FNIP1: variants seen among roughly 807,000 people sequenced by gnomAD.
FNIP1 encodes the protein folliculin interacting protein 1, also known as folliculin-interacting protein 1.
In FNIP1, 40 loss-of-function variants were observed where a neutral mutation model predicts 124.5. The observed-to-expected ratio is 0.32, with a 90% CI of 0.25 to 0.42. The LOEUF (loss-of-function observed/expected upper bound fraction) is 0.42, where lower values mean the gene tolerates loss of function less well. Ranked by LOEUF, FNIP1 falls within the 10% of genes least tolerant of loss-of-function variation. The probability of loss-of-function intolerance (pLI) is 1.00; values close to 1 mark genes in which losing one functional copy is unlikely to be tolerated. For synonymous variants in FNIP1, 472 were observed against 470.6 expected, an observed-to-expected ratio of 1.00 and a Z score of -0.04; for missense variants, 1,176 against 1,403.7, an observed-to-expected ratio of 0.84 and a Z score of 2.59.
At chr5:131,697,110 A>G (rs1049393508) in intron 11 of FNIP1, among the ~76,000 whole-genome samples, 1 of 152,086 alleles carries the variant, frequency 6.6e-6, no homozygotes, top group African/African-American at 2.4e-5. Flanking sequence ...ACAGCCTTTC[A>G]CTCCAAGATG....
intron 5 of FNIP1, among the ~76,000 whole-genome samples, chr5:131,716,896 T>C (rs1364721597): frequency 6.6e-6 from 1 of 152,142 alleles, no homozygotes; most frequent in East Asian, 1.9e-4. Context: ...CATTCATTTA[T>C]ATACTGTGTA....
intron 15 of FNIP1, among the ~76,000 whole-genome samples, chr5:131,653,612 T>C (rs1191679678): frequency 6.6e-6 from 1 of 152,012 alleles, no homozygotes; most frequent in Non-Finnish European, 1.5e-5. Flanking sequence ...TGAAAGTGTA[T>C]AGAAAAAAGA....
At chr5:131,699,116 A>G (rs1580765626) in intron 10 of FNIP1, 114 bp from the exon 11 acceptor site, 1 of 644,196 alleles carries the variant, frequency 1.6e-6, no homozygotes, top group South Asian at 2.7e-5. Flanking sequence ...CAAAATTCTT[A>G]TCGAGAAAGA....
At chr5:131,788,548 A>G (rs1447950084) in intron 1 of FNIP1, among the ~76,000 whole-genome samples, 1 of 151,976 alleles carries the variant, frequency 6.6e-6, no homozygotes, top group East Asian at 1.9e-4. Flanking sequence ...ACACAAATAC[A>G]AAAATTTTTG....
intron 15 of FNIP1, among the ~76,000 whole-genome samples, chr5:131,654,001 A>T (rs960758132): frequency 1.3e-5 from 2 of 152,246 alleles, no homozygotes; most frequent in Non-Finnish European, 2.9e-5. Context: ...TGGCCTCCCA[A>T]AGTGCTGGGA....
At chr5:131,766,131 A>G (rs983630952) in intron 1 of FNIP1, among the ~76,000 whole-genome samples, 1 of 150,198 alleles carries the variant, frequency 6.7e-6, no homozygotes, top group Non-Finnish European at 1.5e-5. Context: ...CTTTTGAGAC[A>G]CGGTCTCACT....
chr5:131,718,938 T>C (rs1410765381), intron 5 of FNIP1, 48 bp downstream of exon 5: 3 of 1,498,450 alleles, frequency 2.0e-6, no homozygotes, highest in East Asian at 2.3e-5. Context: ...TTTTCATACT[T>C]TGCACATCTA....
chr5:131,646,810 A>G (rs1766896633), intron 17 of FNIP1, among the ~76,000 whole-genome samples: 1 of 152,238 alleles, frequency 6.6e-6, no homozygotes, highest in African/African-American at 2.4e-5. Context: ...TATTTAATAA[A>G]TGAGTATGTA....
intron 13 of FNIP1, among the ~76,000 whole-genome samples, chr5:131,675,990 C>G (rs1767899411): frequency 6.6e-6 from 1 of 151,518 alleles, no homozygotes; most frequent in Non-Finnish European, 1.5e-5. Context: ...TCCTAAGTGG[C>G]TGGGATTATA....
At chr5:131,734,025 C>T (rs536096018) in intron 2 of FNIP1, among the ~76,000 whole-genome samples, 1 of 152,240 alleles carries the variant, frequency 6.6e-6, no homozygotes, top group East Asian at 1.9e-4. Context: ...CTGGTCTATT[C>T]AGAGACTCAA....
chr5:131,785,795 A>G (rs1473472137), intron 1 of FNIP1, among the ~76,000 whole-genome samples: 3 of 152,180 alleles, frequency 2.0e-5, no homozygotes, highest in Non-Finnish European at 4.4e-5. Flanking sequence ...GCTTGAGCCC[A>G]GGAGTTTAAG....
In FNIP1 at chr5:131,704,115, A is replaced by G; in HGVS notation, c.1066T>C (p.Phe356Leu). 6.2e-7 allele frequency: 1 copy of G among 1,612,874 alleles called. No homozygotes were observed. Among genetic ancestry groups the G allele is most frequent in the Non-Finnish European group, 8.5e-7 (1 of 1,179,116 alleles). ...TTCATGTGGCTTTCAAAGAGAGGAA[A>G]ATGTGAAAAAAAGAATTCATTAAAT... ...NKFNEFFFSHFPLFESHMNKL... is the reference protein window; with the variant it reads ...NKFNEFFFSHLPLFESHMNKL... The change falls in exon 10 of 18, where the codon TTT becomes CTT. Residue 356 changes from phenylalanine (F) to leucine (L), a missense_variant. Physicochemically the swap from Phe to Leu is conservative, Grantham distance 22 (BLOSUM62 0). Coordinates refer to ENST00000510461, the MANE Select transcript of FNIP1 (RefSeq NM_133372.3).
intron 2 of FNIP1, among the ~76,000 whole-genome samples, chr5:131,743,212 A>C (rs1770567455): frequency 6.6e-6 from 1 of 152,184 alleles, no homozygotes; most frequent in Non-Finnish European, 1.5e-5. Flanking sequence ...ATATAGGATA[A>C]AGGCATAATA....
chr5:131,754,570 G>A (rs920966980), intron 1 of FNIP1, among the ~76,000 whole-genome samples: 11 of 152,218 alleles, frequency 7.2e-5, no homozygotes, highest in Admixed American at 2.6e-4. Context: ...TGATGGGCAG[G>A]GGAGAAGGGC....
intron 1 of FNIP1, among the ~76,000 whole-genome samples, chr5:131,749,561 T>G (rs1770798083): frequency 6.6e-6 from 1 of 152,060 alleles, no homozygotes; most frequent in Admixed American, 6.6e-5. Context: ...CTGGCTAATT[T>G]TTATATTTTT....
chr5:131,737,270 G>A (rs376169915), intron 2 of FNIP1, among the ~76,000 whole-genome samples: 4 of 152,178 alleles, frequency 2.6e-5, no homozygotes, highest in Non-Finnish European at 4.4e-5. Flanking sequence ...GAAAAGTCAC[G>A]ACTTCAAGAT....
intron 3 of FNIP1, among the ~76,000 whole-genome samples, chr5:131,725,551 C>A (rs1769831686): frequency 1.3e-5 from 2 of 152,146 alleles, no homozygotes; most frequent in African/African-American, 4.8e-5. Context: ...GATTTTGTAT[C>A]TTGAGACTTT....
intron 11 of FNIP1, among the ~76,000 whole-genome samples, chr5:131,682,883 T>G (rs1176239471): frequency 6.6e-6 from 1 of 152,206 alleles, no homozygotes; most frequent in African/African-American, 2.4e-5. Flanking sequence ...GCCCGGACAA[T>G]GAAAGACTCT....
At chr5:131,697,043 A>G (rs890691328) in intron 11 of FNIP1, among the ~76,000 whole-genome samples, 1 of 152,182 alleles carries the variant, frequency 6.6e-6, no homozygotes, top group East Asian at 1.9e-4. Flanking sequence ...AATTTTATAT[A>G]TATGTATGGC....
Sources: gnomAD v4.1 joint callset for allele counts (sites outside exome capture counted in the v4.1 genomes callset) on GRCh38, gnomAD v4.1.1 for gene constraint, MANE v1.5 for transcripts, NCBI Gene and HGNC (gene_info 2026-07-23, HGNC 2026-07-21) for gene names.